Variants in SLC44A2 observed in about 807,000 individuals in gnomAD.
SLC44A2 encodes choline transporter-like protein 2.
Under a neutral mutation model 90.8 loss-of-function variants are expected in SLC44A2, and 57 were observed. The ratio of observed to expected loss-of-function variants is 0.63; its 90% CI spans 0.51 to 0.78. SLC44A2 has a LOEUF of 0.78. Among genes scored for constraint, SLC44A2 ranks in the 30% least tolerant of loss-of-function variants. The pLI is 0.00. For missense variants in SLC44A2, 794 were observed against 919.7 expected, an observed-to-expected ratio of 0.86 and a Z score of 1.77; for synonymous variants, 355 against 360.7, an observed-to-expected ratio of 0.98 and a Z score of 0.18.
Position 10,634,892 on chromosome 19 carries a change from G to A in SLC44A2, c.955+5G>A. On this transcript the variant is annotated splice_donor_5th_base_variant and intron_variant, in intron 11 of 21. Coordinates refer to ENST00000335757, the MANE Select transcript of SLC44A2 (RefSeq NM_020428.4). ...GGCAGACCTGGTTGGCCTTTAGTGA[G>A]TCACAGTCTCCCATTCCTGCCCCCA... is the stretch of plus-strand genomic sequence containing the variant. 6.2e-7 allele frequency: 1 copy of A among 1,614,210 alleles called. No homozygotes were observed. Among genetic ancestry groups the A allele is most frequent in the Non-Finnish European group, 8.5e-7 (1 of 1,180,040 alleles).
intron 1 of SLC44A2, among the ~76,000 whole-genome samples, chr19:10,614,784 A>G (rs536118993): frequency 2.4e-4 from 36 of 151,992 alleles, no homozygotes; most frequent in Non-Finnish European, 4.0e-4. Flanking sequence ...CAACCTGGCC[A>G]ACATGGTGAA....
At chr19:10,636,301 G>A (rs752937238) in intron 14 of SLC44A2, 22 bp from the exon 15 acceptor site, 10 of 1,595,368 alleles carry the variant, frequency 6.3e-6, no homozygotes, top group Non-Finnish European at 6.8e-6. Context: ...TTTTGGACTC[G>A]GTTCTCCCTT....
At chr19:10,607,563 C>T (rs928582872) in intron 1 of SLC44A2, among the ~76,000 whole-genome samples, 1 of 149,986 alleles carries the variant, frequency 6.7e-6, no homozygotes, top group African/African-American at 2.5e-5. Context: ...ACCATGTTGC[C>T]CAGGCTGGTC....
chr19:10,632,396 C>T (rs980788796), intron 10 of SLC44A2, among the ~76,000 whole-genome samples: 2 of 151,742 alleles, frequency 1.3e-5, no homozygotes, highest in African/African-American at 4.8e-5. Context: ...ATCAGCCGGG[C>T]ATGGAGGTGC....
At position 10,632,169 on chromosome 19, in the gene SLC44A2, C is replaced by A. The variant is rs202003497; in HGVS notation, c.823+13C>A. On this transcript the variant is annotated intron_variant, in intron 10 of 21. Coordinates refer to ENST00000335757, the MANE Select transcript of SLC44A2 (RefSeq NM_020428.4). The stretch of plus-strand genomic sequence containing the variant: ...GTGCTGGGCTACGGTGCGTCACCCC[C>A]TCCCTGTGGCTTCTCTTTCCTGAAT... 12 of 1,597,186 alleles carry A rather than the reference C, an allele frequency of 7.5e-6. No homozygotes were observed. In the South Asian group the frequency reaches 1.3e-4, roughly 18 times the overall value.
At chr19:10,626,168 C>T in intron 1 of SLC44A2, 85 bp from the exon 2 acceptor site, 1 of 1,120,014 alleles carries the variant, frequency 8.9e-7, no homozygotes. Context: ...AAAGACACCC[C>T]TAGGGGCTTT....
chr19:10,610,548 T>C lies in SLC44A2; in HGVS notation c.31+7987T>C, dbSNP rs1030866018. On this transcript the variant is annotated intron_variant, in intron 1 of 21. Transcript: ENST00000407327. The stretch of plus-strand genomic sequence containing the variant: ...ACGGGGTTTCACTGTGTTAGCCAGA[T>C]GGTCTTGATCTCCTGACCTCGTGAT... Among the ~76,000 whole-genome samples the C allele has an allele frequency of 1.9e-4, 28 of 150,050 alleles. 1 individual carries two copies. Among genetic ancestry groups the C allele is most frequent in the Admixed American group, 8.8e-4 (13 of 14,842 alleles).
chr19:10,630,086 G>A (rs1004530865), intron 4 of SLC44A2, among the ~76,000 whole-genome samples: 9 of 152,174 alleles, frequency 5.9e-5, no homozygotes, highest in Non-Finnish European at 8.8e-5. Flanking sequence ...ACAATAGGCC[G>A]GGCACGGTGG....
At chr19:10,632,321 G>A (rs1208645963) in intron 10 of SLC44A2, among the ~76,000 whole-genome samples, 165 bp downstream of exon 10, 1 of 151,920 alleles carries the variant, frequency 6.6e-6, no homozygotes, top group Non-Finnish European at 1.5e-5. Flanking sequence ...CAGATCACCC[G>A]AGGTCAGGAG....
intron 16 of SLC44A2, among the ~76,000 whole-genome samples, chr19:10,637,327 G>A (rs2067068461): frequency 6.6e-6 from 1 of 152,108 alleles, no homozygotes; most frequent in Non-Finnish European, 1.5e-5. Context: ...ACTCCAGCCT[G>A]GGCAACAGAG....
At chr19:10,641,591 A>T (rs1444948819) in intron 20 of SLC44A2, among the ~76,000 whole-genome samples, 1 of 151,902 alleles carries the variant, frequency 6.6e-6, no homozygotes, top group African/African-American at 2.4e-5. Context: ...AGTGGCTCAT[A>T]CCTGTAGTCC....
intron 2 of SLC44A2, 146 bp from the exon 3 acceptor site, chr19:10,627,576 A>G (rs2066947101): frequency 2.8e-6 from 2 of 702,604 alleles, no homozygotes; most frequent in East Asian, 2.6e-5. Flanking sequence ...AAAAATTAAA[A>G]TGCATGTGCC....
chr19:10,639,998 T>G (rs1433921277), intron 20 of SLC44A2, among the ~76,000 whole-genome samples: 1 of 151,332 alleles, frequency 6.6e-6, no homozygotes, highest in Non-Finnish European at 1.5e-5. Flanking sequence ...TTGACCTAGT[T>G]TCTTATTTTA....
rs760710353 is a variant in SLC44A2, at chr19:10,626,248, T to G, written c.38-5T>G. ...CCCATCCATCTTAATCTTCTTGACTTTCAGGAACGCCACAGAAGTATGATC... is the reference window on the plus strand; with the variant it reads ...CCCATCCATCTTAATCTTCTTGACTGTCAGGAACGCCACAGAAGTATGATC... On this transcript the variant is annotated splice_polypyrimidine_tract_variant and splice_region_variant and intron_variant, in intron 1 of 21. Transcript: ENST00000335757. 6 of 1,612,648 alleles carry G rather than the reference T, an allele frequency of 3.7e-6. No homozygotes were observed. The highest frequency in any genetic ancestry group is 1.3e-5 in the African/African-American group (1 of 74,988).
At chr19:10,640,218 C>G (rs1447783344) in intron 20 of SLC44A2, among the ~76,000 whole-genome samples, 1 of 150,430 alleles carries the variant, frequency 6.6e-6, no homozygotes, top group Non-Finnish European at 1.5e-5. Flanking sequence ...AGCTCCCTGA[C>G]TAGCTGGGAT....
intron 6 of SLC44A2, 40 bp from the exon 7 acceptor site, chr19:10,631,435 C>T (rs1336460974): frequency 6.2e-7 from 1 of 1,614,066 alleles, no homozygotes; most frequent in Non-Finnish European, 8.5e-7. Context: ...TGGCAGTGTA[C>T]TAGACTTGGG....
chr19:10,628,955 C>T (rs539788462), intron 4 of SLC44A2, among the ~76,000 whole-genome samples: 1 of 152,124 alleles, frequency 6.6e-6, no homozygotes, highest in East Asian at 1.9e-4. Flanking sequence ...TGGTGGCTCA[C>T]ACCTGTAATC....
chr19:10,619,961 A>T lies in SLC44A2; in HGVS notation c.32-6292A>T, dbSNP rs185897645. 4.2e-3 allele frequency among the ~76,000 whole-genome samples: 639 copies of T among 152,076 alleles called. 3 individuals are homozygous for T. The highest frequency in any genetic ancestry group is 4.6e-3 in the Non-Finnish European group (316 of 67,972). On this transcript the variant is annotated intron_variant, in intron 1 of 21. Transcript: ENST00000407327. ...CAGAGCGAGACTCCGTCTCAAAAAA[A>T]ATCTGCAAATCTCCAACCTGGGCAA...
In SLC44A2 at chr19:10,604,173, A is replaced by G. The variant is rs572672966; in HGVS notation, c.31+1612A>G. On this transcript the variant is annotated intron_variant, in intron 1 of 21. Coordinates refer to the SLC44A2 transcript ENST00000407327. ...GGAGTAGTCAAGGGAAGGAATGTGTAATTTTAGGTTGTTGTAAGTTGTGAA... is the reference window on the plus strand; with the variant it reads ...GGAGTAGTCAAGGGAAGGAATGTGTGATTTTAGGTTGTTGTAAGTTGTGAA... 5.9e-5 allele frequency among the ~76,000 whole-genome samples: 9 copies of G among 152,292 alleles called. No individual in the cohort carries two copies. The South Asian group carries it at 1.9e-3, about 32-fold the overall frequency.
Sources: allele counts gnomAD v4.1 joint callset (sites outside exome capture counted in the v4.1 genomes callset), GRCh38; gene constraint gnomAD v4.1.1; transcripts MANE v1.5; gene names NCBI Gene and HGNC (gene_info 2026-07-23, HGNC 2026-07-21).